The following MGRN1 variants were observed in gnomAD, a reference collection of about 807,000 sequenced individuals.
MGRN1 encodes E3 ubiquitin-protein ligase MGRN1.
A neutral mutation model predicts 69.2 loss-of-function variants in MGRN1; 29 were observed. The ratio of observed to expected loss-of-function variants is 0.42; its 90% CI spans 0.31 to 0.57. MGRN1 has a LOEUF of 0.57. Ranked by LOEUF, MGRN1 falls within the 20% of genes least tolerant of loss-of-function variation. MGRN1 has a pLI of 0.15. For missense variants in MGRN1, 998 were observed against 796.2 expected, an observed-to-expected ratio of 1.25 and a Z score of -3.05; for synonymous variants, 470 against 344.2, an observed-to-expected ratio of 1.37 and a Z score of -4.04.
intron 5 of MGRN1, among the ~76,000 whole-genome samples, chr16:4,659,345 G>A (rs1232329457): frequency 1.3e-5 from 2 of 152,002 alleles, no homozygotes; most frequent in Non-Finnish European, 2.9e-5. Context: ...AGTTTGGGAG[G>A]TGTCTGTGTT....
intron 9 of MGRN1, among the ~76,000 whole-genome samples, chr16:4,672,194 G>A (rs568205979): frequency 7.2e-5 from 11 of 151,934 alleles, no homozygotes; most frequent in African/African-American, 2.2e-4. Context: ...GTGAACCACC[G>A]CGCCCAGCCT....
At chr16:4,679,168 A>G (rs567502747) in intron 11 of MGRN1, among the ~76,000 whole-genome samples, 1 of 152,318 alleles carries the variant, frequency 6.6e-6, no homozygotes, top group East Asian at 1.9e-4. Context: ...TGGAGAGAGA[A>G]GCAGCCCCTG....
intron 7 of MGRN1, among the ~76,000 whole-genome samples, chr16:4,666,542 C>T (rs1486503608): frequency 1.3e-5 from 2 of 152,204 alleles, no homozygotes; most frequent in African/African-American, 4.8e-5. Context: ...CTGGGGCTCC[C>T]ACAAGGAGGG....
At chr16:4,663,198 G>A (rs1369265573) in intron 5 of MGRN1, among the ~76,000 whole-genome samples, 1 of 152,070 alleles carries the variant, frequency 6.6e-6, no homozygotes, top group Non-Finnish European at 1.5e-5. Flanking sequence ...CGAGTAGCTG[G>A]GATTACAGGC....
chr16:4,639,576 G>C (rs2078112587), intron 1 of MGRN1, among the ~76,000 whole-genome samples: 1 of 152,184 alleles, frequency 6.6e-6, no homozygotes, highest in African/African-American at 2.4e-5. Flanking sequence ...CTATGACTTG[G>C]GCATCCTGTC....
chr16:4,634,076 G>C (rs755927775), intron 1 of MGRN1, among the ~76,000 whole-genome samples: 1 of 152,200 alleles, frequency 6.6e-6, no homozygotes, highest in Non-Finnish European at 1.5e-5. Context: ...GGCGTGTGGT[G>C]GGAGGAGCAC....
chr16:4,683,388 G>A (rs1014703926), intron 15 of MGRN1, 119 bp downstream of exon 15: 93 of 1,198,648 alleles, frequency 7.8e-5, no homozygotes, highest in Non-Finnish European at 1.0e-4. Flanking sequence ...AGGAACCCTC[G>A]GCCAAGAGGC....
chr16:4,672,001 G>T (rs1376543828), intron 9 of MGRN1, among the ~76,000 whole-genome samples: 20 of 152,204 alleles, frequency 1.3e-4, no homozygotes, highest in Admixed American at 1.3e-3. Context: ...CGCCTCCCGG[G>T]TTCAAGCGAT....
intron 15 of MGRN1, 149 bp downstream of exon 15, chr16:4,683,418 A>G (rs1490003593): frequency 2.1e-6 from 2 of 937,486 alleles, no homozygotes; most frequent in Non-Finnish European, 1.6e-6. Context: ...CGGCACTGGG[A>G]TCCCGGCTGG....
At chr16:4,635,222 G>A (rs1898219190) in intron 1 of MGRN1, among the ~76,000 whole-genome samples, 2 of 151,940 alleles carry the variant, frequency 1.3e-5, no homozygotes, top group South Asian at 2.1e-4. Flanking sequence ...GGCCAGCCTG[G>A]CCAACATGGC....
chr16:4,643,228 G>A (rs1227594778), intron 1 of MGRN1, among the ~76,000 whole-genome samples: 1 of 151,938 alleles, frequency 6.6e-6, no homozygotes, highest in Non-Finnish European at 1.5e-5. Flanking sequence ...CCAGAGCACT[G>A]GGATTATAGG....
intron 16 of MGRN1, chr16:4,686,548 C>T: frequency 2.2e-6 from 3 of 1,343,622 alleles, no homozygotes; most frequent in East Asian, 5.9e-5. Flanking sequence ...GACTAGGCGG[C>T]CGGTCAGGCT....
In MGRN1 at chr16:4,681,758, A is replaced by G; in HGVS notation, c.1340A>G (p.Gln447Arg). 6.2e-7 allele frequency: 1 copy of G among 1,611,988 alleles called. No individual in the cohort carries two copies. The highest frequency in any genetic ancestry group is 8.5e-7 in the Non-Finnish European group (1 of 1,179,472). ...AGCAGCCGCCAGAAGGGCAGGCCGCAGAGCAAGGCCCCCGACAGGTGAGCA... is the reference window on the plus strand; with the variant it reads ...AGCAGCCGCCAGAAGGGCAGGCCGCGGAGCAAGGCCCCCGACAGGTGAGCA... Reference protein sequence around the residue: ...LDSSRQKGRPQSKAPDSTLRS... With the variant: ...LDSSRQKGRPRSKAPDSTLRS... The change falls in exon 13 of 17, where the codon CAG becomes CGG. Residue 447 changes from glutamine to arginine, a missense_variant. Physicochemically the swap from Gln to Arg is conservative, Grantham distance 43. Transcript: ENST00000262370.
At chr16:4,679,088 G>C (rs1201537684) in intron 11 of MGRN1, among the ~76,000 whole-genome samples, 2 of 152,180 alleles carry the variant, frequency 1.3e-5, no homozygotes, top group Non-Finnish European at 2.9e-5. Flanking sequence ...TGGGGCTCCT[G>C]GCACCACGCT....
chr16:4,671,248 T>C, intron 8 of MGRN1, 143 bp from the exon 9 acceptor site: 1 of 722,592 alleles, frequency 1.4e-6, no homozygotes, highest in Non-Finnish European at 2.3e-6. Flanking sequence ...TCCCTGCCCT[T>C]CTCCTGGCCC....
chr16:4,688,106 G>A (rs1316459583), intron 16 of MGRN1: 12 of 985,478 alleles, frequency 1.2e-5, no homozygotes, highest in African/African-American at 3.5e-5. Context: ...GCCCTTCACC[G>A]GAGAGTGGGG....
At chr16:4,639,316 C>A (rs1330745937) in intron 1 of MGRN1, among the ~76,000 whole-genome samples, 1 of 152,024 alleles carries the variant, frequency 6.6e-6, no homozygotes, top group Non-Finnish European at 1.5e-5. Context: ...AGTTGGCCTG[C>A]GTGGTGGTCC....
chr16:4,671,364 CCCAGTGAGCCCCTCTCTGCTCT>C lies in MGRN1; in HGVS notation c.727-22_727-1del. 6.2e-7 allele frequency: 1 copy of C among 1,611,264 alleles called. No individual in the cohort carries two copies. Among genetic ancestry groups the C allele is most frequent in the Non-Finnish European group, 8.5e-7 (1 of 1,177,408 alleles). ...GCCCTCATATGGCAGTTGGCGAGGG[CCCAGTGAGCCCCTCTCTGCTCT>C]CCAGGTGGACCGGGTCAGCTACCTC... On this transcript the variant is annotated splice_region_variant and splice_polypyrimidine_tract_variant and intron_variant, in intron 8 of 16. Transcript: ENST00000262370.
intron 15 of MGRN1, 42 bp from the exon 16 acceptor site, chr16:4,683,800 TG>T (rs1246126159): frequency 1.3e-6 from 2 of 1,579,096 alleles, no homozygotes; most frequent in Non-Finnish European, 1.7e-6. Flanking sequence ...TGCCGGGACC[TG>T]GCCCCTGCCT....
Sources: gnomAD v4.1 joint callset for allele counts (sites outside exome capture counted in the v4.1 genomes callset) on GRCh38, gnomAD v4.1.1 for gene constraint, MANE v1.5 for transcripts, NCBI Gene and HGNC (gene_info 2026-07-23, HGNC 2026-07-21) for gene names.